The following GADL1 variants were observed in gnomAD, a reference collection of about 807,000 sequenced individuals.
The protein encoded by GADL1 is acidic amino acid decarboxylase GADL1.
GADL1 carries 71 observed loss-of-function variants against 69.5 expected under a neutral mutation model. That is an observed-to-expected ratio of 1.02 (90% CI 0.84 to 1.25). The LOEUF is 1.25. Among genes scored for constraint, GADL1 ranks in the 50% most tolerant of loss-of-function variants. The pLI, the probability that GADL1 is intolerant of heterozygous loss-of-function variation, is 0.00. For missense variants in GADL1, 737 were observed against 631.8 expected, an observed-to-expected ratio of 1.17 and a Z score of -1.79; for synonymous variants, 254 against 214.4, an observed-to-expected ratio of 1.18 and a Z score of -1.62.
At chr3:30,787,412 G>T (rs1332474484) in intron 12 of GADL1, among the ~76,000 whole-genome samples, 1 of 152,150 alleles carries the variant, frequency 6.6e-6, no homozygotes, top group African/African-American at 2.4e-5. Context: ...CTTGGCTTTT[G>T]TCTGTACCAA....
intron 1 of GADL1, among the ~76,000 whole-genome samples, chr3:30,862,046 T>C (rs6550027): frequency 0.37 from 55,578 of 151,686 alleles, 10,652 homozygotes; most frequent in East Asian, 0.69. Context: ...GTATATGACC[T>C]CCTAATTCAG....
At chr3:30,759,576 C>T (rs1696071564) in intron 14 of GADL1, among the ~76,000 whole-genome samples, 1 of 152,218 alleles carries the variant, frequency 6.6e-6, no homozygotes, top group African/African-American at 2.4e-5. Flanking sequence ...TAAGCTAAAG[C>T]CTAATTTTGA....
At chr3:30,758,081 A>G (rs902334132) in intron 14 of GADL1, among the ~76,000 whole-genome samples, 1 of 152,214 alleles carries the variant, frequency 6.6e-6, no homozygotes, top group African/African-American at 2.4e-5. Context: ...AAAGCTTCAT[A>G]GCTTTCATAG....
intron 1 of GADL1, among the ~76,000 whole-genome samples, chr3:30,867,783 G>A (rs929919848): frequency 2.0e-5 from 3 of 151,906 alleles, no homozygotes; most frequent in Non-Finnish European, 4.4e-5. Context: ...TACTGTACTT[G>A]GGTAATTGGG....
intron 6 of GADL1, among the ~76,000 whole-genome samples, 171 bp from the exon 7 acceptor site, chr3:30,844,637 C>T (rs539987359): frequency 6.6e-6 from 1 of 152,272 alleles, no homozygotes; most frequent in South Asian, 2.1e-4. Flanking sequence ...AGAACATTCA[C>T]TTTGGGGTCA....
intron 14 of GADL1, among the ~76,000 whole-genome samples, chr3:30,737,119 A>T (rs2125471128): frequency 6.6e-6 from 1 of 152,264 alleles, no homozygotes; most frequent in Non-Finnish European, 1.5e-5. Context: ...CCCCAATCAG[A>T]GCAGCTGAAT....
At position 30,800,946 on chromosome 3, in the gene GADL1, T is replaced by G; in HGVS notation, c.1193A>C (p.Lys398Thr). Residue 398 changes from lysine to threonine, a missense_variant, in exon 12 of 15, where the codon AAG becomes ACG. Lys to Thr is a moderately conservative substitution (Grantham distance 78). Coordinates refer to ENST00000282538, the MANE Select transcript of GADL1 (RefSeq NM_207359.3). ...TTCAAGGCCTAATGTACCCAGGGCC[T>G]TCCAGGTCATCCAGAACTTGAATGC... ...PDAFKFWMTW[K>T]ALGTLGLEER... The G allele has an allele frequency of 6.2e-7, 1 of 1,613,686 alleles. No individual in the cohort carries two copies.
intron 11 of GADL1, among the ~76,000 whole-genome samples, 198 bp downstream of exon 11, chr3:30,833,655 C>T (rs1197944522): frequency 6.6e-6 from 1 of 152,048 alleles, no homozygotes; most frequent in African/African-American, 2.4e-5. Flanking sequence ...ATCAAATCCA[C>T]AAAATTACCT....
At chr3:30,753,281 G>A (rs1695877749) in intron 14 of GADL1, among the ~76,000 whole-genome samples, 1 of 151,948 alleles carries the variant, frequency 6.6e-6, no homozygotes, top group African/African-American at 2.4e-5. Flanking sequence ...ACAATAGTAT[G>A]TTTTCTGACA....
intron 11 of GADL1, among the ~76,000 whole-genome samples, chr3:30,826,837 A>G (rs142549565): frequency 6.6e-6 from 1 of 152,018 alleles, no homozygotes; most frequent in African/African-American, 2.4e-5. Context: ...CTGAAAAAGG[A>G]AACCATGAGT....
rs1697899864 is a variant in GADL1 at position 30,837,890 on chromosome 3, G to A, written c.903+1107C>T. Among the ~76,000 whole-genome samples, 3 of 152,062 alleles carry A rather than the reference G, an allele frequency of 2.0e-5. No homozygotes were observed. In the South Asian group the frequency reaches 6.2e-4, roughly 32 times the overall value. On this transcript the variant is annotated intron_variant, in intron 9 of 14. Transcript: ENST00000282538. Reference sequence around the variant, plus strand: ...ACGAGTCACGGATAATCTACCTCAAGTATTGCCATTGGCATACTAATAGAA... The same window carrying A: ...ACGAGTCACGGATAATCTACCTCAAATATTGCCATTGGCATACTAATAGAA...
At chr3:30,772,259 C>CGA (rs1696434340) in intron 14 of GADL1, among the ~76,000 whole-genome samples, 1 of 152,098 alleles carries the variant, frequency 6.6e-6, no homozygotes, top group African/African-American at 2.4e-5. Context: ...ATCTGCAGGT[C>CGA]AGCAAATGGA....
chr3:30,744,831 G>T lies in GADL1; in HGVS notation c.1393-16416C>A, dbSNP rs144063377. Among the ~76,000 whole-genome samples, 137 of 152,332 alleles carry T rather than the reference G, an allele frequency of 9.0e-4. No homozygotes were observed. The Middle Eastern group carries it at 0.014, about 15-fold the overall frequency. ...GCCATAAATAATAGAAAACAAATGA[G>T]AGTGGCCATGTTCCAATACAACTTT... On this transcript the variant is annotated intron_variant, in intron 14 of 14. Transcript: ENST00000282538.
At chr3:30,890,904 G>T (rs1698776516) in intron 1 of GADL1, among the ~76,000 whole-genome samples, 1 of 152,116 alleles carries the variant, frequency 6.6e-6, no homozygotes, top group Non-Finnish European at 1.5e-5. Context: ...TAATCTTCAT[G>T]ATAATCCTAA....
chr3:30,877,180 T>C (rs190201573), intron 1 of GADL1, among the ~76,000 whole-genome samples: 16 of 152,042 alleles, frequency 1.1e-4, no homozygotes, highest in African/African-American at 2.4e-4. Context: ...ATAGCTGATA[T>C]AGTAAATAGC....
At chr3:30,823,647 T>C (rs946910426) in intron 11 of GADL1, among the ~76,000 whole-genome samples, 3 of 151,784 alleles carry the variant, frequency 2.0e-5, no homozygotes, top group Non-Finnish European at 4.4e-5. Context: ...CTCTAGACAA[T>C]AGGAGAGCCA....
intron 14 of GADL1, among the ~76,000 whole-genome samples, chr3:30,775,730 T>C (rs2125494784): frequency 6.6e-6 from 1 of 152,294 alleles, no homozygotes; most frequent in Non-Finnish European, 1.5e-5. Context: ...ATTTACTGTA[T>C]GATCATCCAT....
At chr3:30,775,317 C>T (rs2125494582) in intron 14 of GADL1, among the ~76,000 whole-genome samples, 1 of 152,292 alleles carries the variant, frequency 6.6e-6, no homozygotes. Flanking sequence ...ATCAGAGGGG[C>T]AAAGCCTTAT....
intron 1 of GADL1, among the ~76,000 whole-genome samples, chr3:30,866,183 C>T (rs1235914988): frequency 6.6e-6 from 1 of 151,984 alleles, no homozygotes; most frequent in Non-Finnish European, 1.5e-5. Flanking sequence ...TGACACCAGG[C>T]ACGGTGGTTC....
Sources: allele counts gnomAD v4.1 joint callset (sites outside exome capture counted in the v4.1 genomes callset), GRCh38; gene constraint gnomAD v4.1.1; transcripts MANE v1.5; gene names NCBI Gene and HGNC (gene_info 2026-07-23, HGNC 2026-07-21).